COG5: variants seen among roughly 807,000 people sequenced by gnomAD.
COG5 encodes conserved oligomeric Golgi complex subunit 5.
COG5 carries 86 observed loss-of-function variants against 110.4 expected under a neutral mutation model. The ratio of observed to expected loss-of-function variants is 0.78; its 90% CI spans 0.65 to 0.93. COG5 has a LOEUF of 0.93. Among genes scored for constraint, COG5 ranks in the 40% least tolerant of loss-of-function variants. The pLI, the probability that COG5 is intolerant of heterozygous loss-of-function variation, is 0.00. For missense variants in COG5, 1,077 were observed against 987.0 expected (o/e 1.09, Z -1.22); for synonymous variants, 360 against 334.6 (o/e 1.08, Z -0.83).
In COG5 at chr7:107,474,808, CAGA is replaced by C; in HGVS notation, c.538+52426_538+52428del. 8 of 1,612,844 alleles carry C rather than the reference CAGA, an allele frequency of 5.0e-6. No individual in the cohort carries two copies. The highest frequency in any genetic ancestry group is 6.8e-6 in the Non-Finnish European group (8 of 1,179,446). On this transcript the variant is annotated intron_variant, in intron 6 of 21. Transcript: ENST00000297135. This position sits in a 1 kb window ranked among gnomAD's most constrained non-coding sequence, Gnocchi z 5.7. ...AATAGGCACAAGATTTTCAACAGGG[CAGA>C]AGAAGAAAGCAAGAAAGAAAAAGAC...
chr7:107,562,429 C>A (rs1803908972), intron 1 of COG5, among the ~76,000 whole-genome samples: 1 of 152,060 alleles, frequency 6.6e-6, no homozygotes, highest in East Asian at 1.9e-4. Flanking sequence ...AGTTTCCAAC[C>A]CCCAGTTATC....
chr7:107,228,368 TACCTTTTTCAATA>T (rs1800523552), intron 19 of COG5, among the ~76,000 whole-genome samples: 1 of 150,322 alleles, frequency 6.7e-6, no homozygotes, highest in South Asian at 2.1e-4. Context: ...GCTTTTCTCA[TACCTTTTTCAATA>T]ACTAGATGGT....
chr7:107,560,617 T>C (rs1367731539), intron 1 of COG5, among the ~76,000 whole-genome samples: 1 of 152,150 alleles, frequency 6.6e-6, no homozygotes, highest in Non-Finnish European at 1.5e-5. Flanking sequence ...CCTAACAACA[T>C]AGTAAACACA....
chr7:107,384,878 G>C (rs1420580924), intron 7 of COG5, among the ~76,000 whole-genome samples: 3 of 152,122 alleles, frequency 2.0e-5, no homozygotes, highest in African/African-American at 7.2e-5. Flanking sequence ...TCCAGTCTAT[G>C]GTATTCTGTT....
intron 14 of COG5, among the ~76,000 whole-genome samples, chr7:107,266,652 T>G (rs1472533183): frequency 2.0e-5 from 3 of 152,184 alleles, no homozygotes; most frequent in Non-Finnish European, 4.4e-5. Context: ...TCCTAGGGTG[T>G]AAACTTTCTC....
intron 10 of COG5, among the ~76,000 whole-genome samples, chr7:107,355,776 C>A (rs1278806611): frequency 6.6e-6 from 1 of 152,098 alleles, no homozygotes; most frequent in African/African-American, 2.4e-5. Flanking sequence ...GAAGGGAATT[C>A]AAGTAGGAAT....
intron 6 of COG5, among the ~76,000 whole-genome samples, chr7:107,485,222 G>A (rs1797588574): frequency 6.6e-6 from 1 of 152,186 alleles, no homozygotes; most frequent in Non-Finnish European, 1.5e-5. Flanking sequence ...TGCAGAGGTT[G>A]CTGTTACCAA....
chr7:107,417,208 C>T (rs1365010128), intron 6 of COG5, among the ~76,000 whole-genome samples: 2 of 152,138 alleles, frequency 1.3e-5, no homozygotes, highest in African/African-American at 2.4e-5. Flanking sequence ...TCAGAAGCAA[C>T]CTTCAGATGT....
At chr7:107,324,819 T>C (rs1057180479) in intron 10 of COG5, among the ~76,000 whole-genome samples, 11 of 152,206 alleles carry the variant, frequency 7.2e-5, no homozygotes, top group African/African-American at 2.7e-4. Flanking sequence ...GGTGATAACA[T>C]TGCAGGATAA....
intron 11 of COG5, among the ~76,000 whole-genome samples, chr7:107,314,620 G>C (rs929065390): frequency 4.6e-5 from 7 of 151,084 alleles, no homozygotes; most frequent in Non-Finnish European, 7.4e-5. Context: ...CATGGTGGGC[G>C]TGCCTGTAAT....
chr7:107,283,794 C>T lies in COG5; in HGVS notation c.1314-62G>A, dbSNP rs995243330. 19 of 1,239,082 alleles carry T rather than the reference C, an allele frequency of 1.5e-5. No homozygotes were observed. The African/African-American group carries it at 2.8e-4, about 18-fold the overall frequency. 76.8% of individuals were successfully genotyped at this position (1,239,082 alleles called of 1,614,324 possible). A position where few individuals can be genotyped will look rare whatever the true frequency, so the allele number is the denominator to read the frequency against. On this transcript the variant is annotated intron_variant, in intron 12 of 21. Transcript: ENST00000297135. ...TGCACAGAGCTAAATGCTATTGTAT[C>T]AGGCTGTAAATACCTTTTTAAAAAA...
intron 11 of COG5, among the ~76,000 whole-genome samples, chr7:107,311,596 T>C (rs1483720329): frequency 6.6e-6 from 1 of 150,394 alleles, no homozygotes; most frequent in African/African-American, 2.4e-5. Context: ...GGTTTCACCT[T>C]GTTAGCCAGG....
chr7:107,534,529 G>C (rs1364495230), intron 5 of COG5, among the ~76,000 whole-genome samples: 1 of 149,784 alleles, frequency 6.7e-6, no homozygotes, highest in Non-Finnish European at 1.5e-5. Flanking sequence ...CCTAGTCTCT[G>C]ACTGTTTAGA....
In COG5 at chr7:107,398,000, G is replaced by A. The variant is rs1188173289; in HGVS notation, c.669+14502C>T. ...TATGGAAAAAAAATAATTTTGCACTGTACATAAAAATTAAAATGTAAAATT... is the reference window on the plus strand; with the variant it reads ...TATGGAAAAAAAATAATTTTGCACTATACATAAAAATTAAAATGTAAAATT... On this transcript the variant is annotated intron_variant, in intron 7 of 21. Transcript: ENST00000297135. Among the ~76,000 whole-genome samples, 5 of 152,002 alleles carry A rather than the reference G, an allele frequency of 3.3e-5. No homozygotes were observed. The East Asian group carries it at 5.8e-4, about 18-fold the overall frequency.
intron 18 of COG5, among the ~76,000 whole-genome samples, chr7:107,233,008 G>T (rs1800890681): frequency 6.6e-6 from 1 of 152,114 alleles, no homozygotes. Flanking sequence ...ATAGGAATTA[G>T]AACAAAAATT....
chr7:107,514,987 T>C (rs1799813851), intron 6 of COG5, among the ~76,000 whole-genome samples: 1 of 152,192 alleles, frequency 6.6e-6, no homozygotes. Flanking sequence ...AGGACAGATC[T>C]TACACTTCTC....
chr7:107,338,885 T>C (rs1227246419), intron 10 of COG5, among the ~76,000 whole-genome samples: 1 of 152,062 alleles, frequency 6.6e-6, no homozygotes, highest in Non-Finnish European at 1.5e-5. Context: ...GTTCTAACCA[T>C]GGAAATGAAA....
chr7:107,227,613 G>C (rs186443700), intron 19 of COG5, among the ~76,000 whole-genome samples: 1 of 150,412 alleles, frequency 6.6e-6, no homozygotes, highest in East Asian at 2.0e-4. Flanking sequence ...CTCAGACCTT[G>C]TATCTCCATA....
intron 16 of COG5, among the ~76,000 whole-genome samples, chr7:107,251,010 G>C (rs1039843609): frequency 6.6e-6 from 1 of 151,482 alleles, no homozygotes; most frequent in Non-Finnish European, 1.5e-5. Flanking sequence ...ATAATGAAAA[G>C]CATGAATTTA....
Sources: gnomAD v4.1 joint callset for allele counts (sites outside exome capture counted in the v4.1 genomes callset) on GRCh38, gnomAD v4.1.1 for gene constraint, Gnocchi (gnomAD v3.1) non-coding constraint, MANE v1.5 for transcripts, NCBI Gene and HGNC (gene_info 2026-07-23, HGNC 2026-07-21) for gene names.